The following CACNA1I variants were observed in gnomAD, a reference collection of about 807,000 sequenced individuals.
CACNA1I encodes the protein calcium voltage-gated channel subunit alpha1 I.
A neutral mutation model predicts 201.6 loss-of-function variants in CACNA1I; 74 were observed. That is an observed-to-expected ratio of 0.37 (90% CI 0.30 to 0.45). The LOEUF is 0.45. Ranked by LOEUF, CACNA1I falls within the 20% of genes least tolerant of loss-of-function variation. The probability of loss-of-function intolerance (pLI) is 1.00; values close to 1 mark genes in which losing one functional copy is unlikely to be tolerated. For synonymous variants in CACNA1I, 1,431 were observed against 1,345.2 expected (o/e 1.06, Z -1.40); for missense variants, 2,346 against 3,138.1 (o/e 0.75, Z 6.03).
intron 3 of CACNA1I, among the ~76,000 whole-genome samples, chr22:39,619,041 G>A (rs867376518): frequency 6.6e-6 from 1 of 152,188 alleles, no homozygotes; most frequent in African/African-American, 2.4e-5. Flanking sequence ...CTGGCACAGC[G>A]CTGGGCACAC....
At chr22:39,664,228 G>C in intron 20 of CACNA1I, 69 bp downstream of exon 20, 1 of 1,288,354 alleles carries the variant, frequency 7.8e-7, no homozygotes, top group South Asian at 1.3e-5. Context: ...GTCAGCCCCT[G>C]CCTCAGCTTG....
Position 39,662,521 on chromosome 22 carries a change from G to T in CACNA1I, c.3372+86G>T. 7 of 1,069,526 alleles carry T rather than the reference G, an allele frequency of 6.5e-6. No individual in the cohort carries two copies. The South Asian group carries it at 7.0e-5, about 11-fold the overall frequency. 66.3% of individuals were successfully genotyped at this position (1,069,526 alleles called of 1,614,324 possible). The stretch of plus-strand genomic sequence containing the variant: ...GCCCCAGGAGGCGGGGCCCGAGCGG[G>T]CGGGCCCACGGGGGGCGTGGCCGGG... On this transcript the variant is annotated intron_variant, in intron 17 of 36. Transcript: ENST00000402142.
rs574365360 is a variant in CACNA1I, at chr22:39,629,334, G to A, written c.581-5231G>A. Among the ~76,000 whole-genome samples, 39 of 152,142 alleles carry A rather than the reference G, an allele frequency of 2.6e-4. No homozygotes were observed. The highest frequency in any genetic ancestry group is 3.1e-4 in the Non-Finnish European group (21 of 67,988). ...CATCTCCAGATGGAGCCCCACCCCC[G>A]CTGAAGGCCGCTCTGTGGCTCCAGG... On this transcript the variant is annotated intron_variant, in intron 4 of 36. Transcript: ENST00000402142. This position sits in a 1 kb window ranked among gnomAD's most constrained non-coding sequence, Gnocchi z 4.8.
chr22:39,679,607 C>T, intron 32 of CACNA1I, 115 bp from the exon 33 acceptor site: 2 of 1,147,978 alleles, frequency 1.7e-6, no homozygotes, highest in Non-Finnish European at 2.4e-6. Flanking sequence ...GGGGGTCGGT[C>T]CCAGGCCATG....
chr22:39,641,212 G>C, intron 6 of CACNA1I, 30 bp downstream of exon 6: 3 of 1,585,134 alleles, frequency 1.9e-6, no homozygotes, highest in Non-Finnish European at 2.6e-6. Context: ...GGGCCAGCCT[G>C]GTCCTAGAGT....
intron 1 of CACNA1I, among the ~76,000 whole-genome samples, chr22:39,577,759 C>G (rs2044920305): frequency 6.6e-6 from 1 of 152,148 alleles, no homozygotes; most frequent in South Asian, 2.1e-4. Context: ...TGGTGCAGCC[C>G]TGGCTCCTTT....
At chr22:39,616,695 C>T (rs1476353583) in intron 3 of CACNA1I, among the ~76,000 whole-genome samples, 1 of 147,166 alleles carries the variant, frequency 6.8e-6, no homozygotes, top group Non-Finnish European at 1.5e-5. Context: ...ACCCGGGAGG[C>T]GTAGGTTGTG....
rs531093243 is a variant in CACNA1I, at chr22:39,574,786, G to C, written c.236+3798G>C. Among the ~76,000 whole-genome samples, 11 of 152,328 alleles carry C rather than the reference G, an allele frequency of 7.2e-5. No homozygotes were observed. The East Asian group carries it at 1.4e-3, about 19-fold the overall frequency. Reference sequence around the variant, plus strand: ...AAGGGGTGGTGGGTGCGTAGCATCAGAGTCAGGCTGGTGGGAGCTGCTGTC... The same window carrying C: ...AAGGGGTGGTGGGTGCGTAGCATCACAGTCAGGCTGGTGGGAGCTGCTGTC... On this transcript the variant is annotated intron_variant, in intron 1 of 36. Coordinates refer to ENST00000402142, the MANE Select transcript of CACNA1I (RefSeq NM_021096.4).
intron 5 of CACNA1I, among the ~76,000 whole-genome samples, chr22:39,638,516 G>A (rs1934275710): frequency 1.3e-5 from 2 of 152,192 alleles, no homozygotes; most frequent in African/African-American, 4.8e-5. Flanking sequence ...TACCAACCAT[G>A]AAATGTTTGC....
rs1935184924 is a variant in CACNA1I at position 39,666,062 on chromosome 22, G to T, written c.4104+56G>T. On this transcript the variant is annotated intron_variant, in intron 23 of 36. Transcript: ENST00000402142. The surrounding 1 kb of genome is among the most constrained non-coding windows in gnomAD (Gnocchi z 4.1). The stretch of plus-strand genomic sequence containing the variant: ...CCCTCCCCTCTCTTGGATGCCAGTG[G>T]CTCTGGGAATCACAGACCTGGCTTG... 6.4e-7 allele frequency: 1 copy of T among 1,574,112 alleles called. No homozygotes were observed. Among genetic ancestry groups the T allele is most frequent in the South Asian group, 1.1e-5 (1 of 87,480 alleles).
intron 3 of CACNA1I, among the ~76,000 whole-genome samples, chr22:39,617,252 C>T (rs751376177): frequency 1.3e-5 from 2 of 152,186 alleles, no homozygotes; most frequent in South Asian, 4.1e-4. Flanking sequence ...CCTTGATGAG[C>T]GCCTGCCAGA....
At chr22:39,658,494 C>T (rs1054724510) in intron 11 of CACNA1I, among the ~76,000 whole-genome samples, 191 bp downstream of exon 11, 6 of 152,206 alleles carry the variant, frequency 3.9e-5, no homozygotes, top group East Asian at 1.9e-4. Flanking sequence ...TCTAGCAGCG[C>T]GTCTGTGACT....
rs1159707675 is a variant in CACNA1I, at chr22:39,570,766, C to T, written c.14C>T (p.Ala5Val). The T allele has an allele frequency of 1.9e-6, 3 of 1,604,550 alleles. No homozygotes were observed. The highest frequency in any genetic ancestry group is 2.6e-6 in the Non-Finnish European group (3 of 1,176,284). MAES[A>V]SPPSSSAAAP... ...CTCAGTGTGGACATGGCTGAGAGCG[C>T]CTCCCCGCCCTCCTCATCTGCAGCA... Residue 5 changes from alanine to valine, a missense_variant, in exon 1 of 37, where the codon GCC becomes GTC. Ala to Val is a moderately conservative substitution (Grantham distance 64). Coordinates refer to ENST00000402142, the MANE Select transcript of CACNA1I (RefSeq NM_021096.4).
At chr22:39,580,018 G>A (rs939329677) in intron 1 of CACNA1I, among the ~76,000 whole-genome samples, 1 of 152,140 alleles carries the variant, frequency 6.6e-6, no homozygotes, top group African/African-American at 2.4e-5. Flanking sequence ...ATCCAGGGGA[G>A]GACACTGAGC....
At chr22:39,645,320 G>T (rs1358463136) in intron 7 of CACNA1I, among the ~76,000 whole-genome samples, 1 of 152,212 alleles carries the variant, frequency 6.6e-6, no homozygotes, top group African/African-American at 2.4e-5. Flanking sequence ...GGCTCATCAG[G>T]TTTGAGCCTC....
At chr22:39,639,013 C>T (rs370834647) in intron 5 of CACNA1I, among the ~76,000 whole-genome samples, 43 of 152,304 alleles carry the variant, frequency 2.8e-4, no homozygotes, top group Middle Eastern at 3.4e-3. Flanking sequence ...TGTGTGGCCC[C>T]GGGGTTTGGG....
At chr22:39,655,732 C>G (rs1384465009) in intron 10 of CACNA1I, among the ~76,000 whole-genome samples, 1 of 152,164 alleles carries the variant, frequency 6.6e-6, no homozygotes, top group Non-Finnish European at 1.5e-5. Context: ...CCTTGGGCTC[C>G]CACTTGCTGT....
chr22:39,611,477 T>C (rs1933386088), intron 3 of CACNA1I, among the ~76,000 whole-genome samples: 1 of 152,114 alleles, frequency 6.6e-6, no homozygotes, highest in Non-Finnish European at 1.5e-5. Context: ...GTGAGTCCCC[T>C]GAGAGGAACA....
At position 39,649,373 on chromosome 22, in the gene CACNA1I, C is replaced by T. The variant is rs2146430345; in HGVS notation, c.1568-128C>T. 1 of 986,324 alleles carries T rather than the reference C, an allele frequency of 1.0e-6. No individual in the cohort carries two copies. Among genetic ancestry groups the T allele is most frequent in the Non-Finnish European group, 1.4e-6 (1 of 695,104 alleles). 61.1% of individuals were successfully genotyped at this position (986,324 alleles called of 1,614,324 possible). A position where few individuals can be genotyped will look rare whatever the true frequency, so the allele number is the denominator to read the frequency against. ...TCCCCAGGCACCCCTGACCGCCTTT[C>T]CAGGCTGGGTCGGCTGGTTCCAGGC... On this transcript the variant is annotated intron_variant, in intron 9 of 36. Transcript: ENST00000402142. The surrounding 1 kb of genome is among the most constrained non-coding windows in gnomAD (Gnocchi z 7.3).
Sources: gnomAD v4.1 joint callset for allele counts (sites outside exome capture counted in the v4.1 genomes callset) on GRCh38, gnomAD v4.1.1 for gene constraint, Gnocchi (gnomAD v3.1) non-coding constraint, MANE v1.5 for transcripts, NCBI Gene and HGNC (gene_info 2026-07-23, HGNC 2026-07-21) for gene names.